Variants in YAP1 observed in about 807,000 individuals in gnomAD.
YAP1 encodes the protein Yes1 associated transcriptional regulator.
Under a neutral mutation model 56.9 loss-of-function variants are expected in YAP1, and 5 were observed. That is an observed-to-expected ratio of 0.09 (90% CI 0.05 to 0.18). YAP1 has a LOEUF of 0.18. YAP1 is among the 10% of genes least tolerant of loss of function. The pLI is 1.00. For synonymous variants in YAP1, 265 were observed against 248.1 expected (o/e 1.07, Z -0.64); for missense variants, 539 against 651.8 (o/e 0.83, Z 1.88).
intron 2 of YAP1, among the ~76,000 whole-genome samples, chr11:102,124,884 G>A (rs186924370): frequency 1.3e-4 from 20 of 152,080 alleles, no homozygotes; most frequent in East Asian, 9.7e-4. Context: ...CACAGATTGC[G>A]TATCACCATG....
At chr11:102,214,906 A>G (rs554604873) in intron 6 of YAP1, among the ~76,000 whole-genome samples, 7 of 152,264 alleles carry the variant, frequency 4.6e-5, no homozygotes, top group African/African-American at 1.4e-4. Context: ...GGGAACACCA[A>G]CCTGCCATCC....
At chr11:102,133,512 G>T (rs1052505294) in intron 2 of YAP1, among the ~76,000 whole-genome samples, 1 of 152,142 alleles carries the variant, frequency 6.6e-6, no homozygotes, top group African/African-American at 2.4e-5. Flanking sequence ...GCCAAGGCTG[G>T]TTTCAAACTC....
chr11:102,134,862 C>T (rs573020120), intron 2 of YAP1, among the ~76,000 whole-genome samples: 2 of 151,954 alleles, frequency 1.3e-5, no homozygotes, highest in East Asian at 3.9e-4. Flanking sequence ...GTACATGCCA[C>T]CATGCCAGCT....
At chr11:102,111,551 A>T (rs1308591718) in intron 1 of YAP1, among the ~76,000 whole-genome samples, 1 of 150,034 alleles carries the variant, frequency 6.7e-6, no homozygotes, top group East Asian at 2.0e-4. Flanking sequence ...GTGGGCTTGC[A>T]CAATGCGCGC....
intron 4 of YAP1, among the ~76,000 whole-genome samples, 187 bp from the exon 5 acceptor site, chr11:102,205,706 C>T (rs1488387607): frequency 6.6e-6 from 1 of 151,972 alleles, no homozygotes; most frequent in Non-Finnish European, 1.5e-5. Context: ...TTCCTTGTAT[C>T]TTGTGACAAC....
chr11:102,122,281 G>A (rs578164403), intron 2 of YAP1, among the ~76,000 whole-genome samples: 95 of 151,930 alleles, frequency 6.3e-4, no homozygotes, highest in Admixed American at 5.1e-3. Flanking sequence ...AAAAATGGGC[G>A]TGGTAGCCCA....
intron 2 of YAP1, among the ~76,000 whole-genome samples, chr11:102,134,561 A>G (rs890295282): frequency 4.0e-5 from 6 of 150,412 alleles, no homozygotes; most frequent in Non-Finnish European, 8.9e-5. Flanking sequence ...TATTCTAAAT[A>G]GTGATTTTGA....
At chr11:102,111,240 C>A in intron 1 of YAP1, 71 bp downstream of exon 1, 1 of 1,572,270 alleles carries the variant, frequency 6.4e-7, no homozygotes, top group Non-Finnish European at 8.6e-7. Context: ...TCGGGAGCCG[C>A]GGCCGCCAGC....
At chr11:102,155,582 G>T (rs1945892605) in intron 2 of YAP1, among the ~76,000 whole-genome samples, 1 of 152,160 alleles carries the variant, frequency 6.6e-6, no homozygotes, top group Non-Finnish European at 1.5e-5. Flanking sequence ...AGCAGTTTAC[G>T]TTACAAGTTC....
intron 2 of YAP1, among the ~76,000 whole-genome samples, chr11:102,120,057 TCTTACAAAAAGGG>T (rs1168713418): frequency 6.6e-6 from 1 of 152,196 alleles, no homozygotes; most frequent in East Asian, 1.9e-4. Context: ...GTGATGCACT[TCTTACAAAAAGGG>T]CTTCTGATTC....
Position 102,110,682 on chromosome 11 carries a change from C to T in YAP1, c.-167C>T. ...CAGGGCGGGGGCGGAGGCGCCGGGG[C>T]GGGGGATGCGGGGCCGCGGCGCAGC... On this transcript the variant is annotated 5_prime_UTR_variant, in exon 1 of 9. Transcript: ENST00000282441. 6.4e-6 allele frequency: 3 copies of T among 466,120 alleles called. No homozygotes were observed. The highest frequency in any genetic ancestry group is 9.3e-6 in the Non-Finnish European group (3 of 322,956). 28.9% of individuals were successfully genotyped at this position (466,120 alleles called of 1,614,324 possible).
chr11:102,124,948 G>A (rs1326567608), intron 2 of YAP1, among the ~76,000 whole-genome samples: 1 of 152,088 alleles, frequency 6.6e-6, no homozygotes, highest in Non-Finnish European at 1.5e-5. Flanking sequence ...TGTTTCCCAT[G>A]GTTGGTCTCA....
rs368292576 is a variant in YAP1 at position 102,185,483 on chromosome 11, C to T, written c.689-535C>T. Among the ~76,000 whole-genome samples, 20 of 152,266 alleles carry T rather than the reference C, an allele frequency of 1.3e-4. No homozygotes were observed. In the East Asian group the frequency reaches 2.5e-3, roughly 19 times the overall value. ...TAAGCTTTGTTTGGACTGTAGCTTT[C>T]TGTCTTACAGTTTTCTTGGTGTGAG... On this transcript the variant is annotated intron_variant, in intron 3 of 8. Transcript: ENST00000282441.
intron 3 of YAP1, among the ~76,000 whole-genome samples, chr11:102,170,331 T>C (rs1346280793): frequency 1.3e-5 from 2 of 152,228 alleles, no homozygotes; most frequent in Admixed American, 6.5e-5. Flanking sequence ...TGCAGATCAG[T>C]ATTTTTTTTA....
intron 3 of YAP1, among the ~76,000 whole-genome samples, chr11:102,175,293 G>A (rs553026830): frequency 5.3e-5 from 8 of 152,140 alleles, no homozygotes; most frequent in African/African-American, 1.7e-4. Flanking sequence ...CCAGCTACTC[G>A]GGAGGCTGAG....
chr11:102,216,766 T>C (rs1226589373), intron 6 of YAP1, among the ~76,000 whole-genome samples: 1 of 152,208 alleles, frequency 6.6e-6, no homozygotes, highest in Non-Finnish European at 1.5e-5. Context: ...TAAACTTCTG[T>C]TTTCCCAAAG....
chr11:102,199,079 GT>G (rs1948713968), intron 4 of YAP1, among the ~76,000 whole-genome samples: 1 of 152,152 alleles, frequency 6.6e-6, no homozygotes, highest in African/African-American at 2.4e-5. Context: ...TATGGAATTC[GT>G]CTGTAGGAGT....
chr11:102,192,603 A>G (rs192355800), intron 4 of YAP1, among the ~76,000 whole-genome samples: 3 of 152,332 alleles, frequency 2.0e-5, no homozygotes, highest in African/African-American at 7.2e-5. Context: ...AAAGATACCT[A>G]ACTTCTCTTG....
At chr11:102,202,724 GT>G (rs1476985436) in intron 4 of YAP1, among the ~76,000 whole-genome samples, 3 of 152,032 alleles carry the variant, frequency 2.0e-5, no homozygotes, top group Admixed American at 2.0e-4. Context: ...ATGGGTTTAG[GT>G]TTAAAAAAAT....
Sources: gnomAD v4.1 joint callset for allele counts (sites outside exome capture counted in the v4.1 genomes callset) on GRCh38, gnomAD v4.1.1 for gene constraint, MANE v1.5 for transcripts, NCBI Gene and HGNC (gene_info 2026-07-23, HGNC 2026-07-21) for gene names.